CFAP46: variants seen among roughly 807,000 people sequenced by gnomAD.
CFAP46 encodes cilia and flagella associated protein 46, also known as cilia- and flagella-associated protein 46.
Under a neutral mutation model 325.7 loss-of-function variants are expected in CFAP46, and 245 were observed. The ratio of observed to expected loss-of-function variants is 0.75; its 90% CI spans 0.68 to 0.84. CFAP46 has a LOEUF of 0.84. Among genes scored for constraint, CFAP46 ranks in the 40% least tolerant of loss-of-function variants. The pLI, the probability that CFAP46 is intolerant of heterozygous loss-of-function variation, is 0.00. For missense variants in CFAP46, 3,346 were observed against 3,543.0 expected (o/e 0.94, Z 1.41); for synonymous variants, 1,523 against 1,495.9 (o/e 1.02, Z -0.42).
At chr10:132,909,330 A>T (rs560007959) in intron 20 of CFAP46, 86 bp from the exon 21 acceptor site, 4 of 940,472 alleles carry the variant, frequency 4.3e-6, no homozygotes, top group Non-Finnish European at 6.7e-6. Context: ...GCAAGGTATT[A>T]GTTTTATGGC....
intron 7 of CFAP46, among the ~76,000 whole-genome samples, chr10:132,935,537 TCCCCTCGGCAC>T (rs1849983846): frequency 1.5e-5 from 2 of 129,616 alleles, no homozygotes; most frequent in African/African-American, 3.1e-5. Flanking sequence ...ATCTCCTCAC[TCCCCTCGGCAC>T]CCAAACACAC....
At chr10:132,942,354 G>GTTCCGGGGCCTCCCCGGGGCGGGGATC in intron 1 of CFAP46, 82 bp downstream of exon 1, 1 of 1,236,270 alleles carries the variant, frequency 8.1e-7, no homozygotes, top group Non-Finnish European at 1.1e-6. Flanking sequence ...GGGATGAGAG[G>GTTCCGGGGCCTCCCCGGGGCGGGGATC]GTCCGGGGCC....
intron 43 of CFAP46, 27 bp downstream of exon 43, chr10:132,846,905 C>G (rs756164984): frequency 1.1e-5 from 18 of 1,590,624 alleles, no homozygotes; most frequent in Middle Eastern, 2.3e-4. Flanking sequence ...AAGGGCCTGG[C>G]TGGAGGTGGG....
intron 50 of CFAP46, among the ~76,000 whole-genome samples, chr10:132,823,026 C>CGTG (rs1847913926): frequency 9.3e-6 from 1 of 107,562 alleles, no homozygotes; most frequent in East Asian, 3.1e-4. Flanking sequence ...GTGCTGTGTG[C>CGTG]TGTGTGTGCG....
intron 9 of CFAP46, chr10:132,929,433 C>T (rs975300885): frequency 2.0e-5 from 14 of 699,846 alleles, no homozygotes; most frequent in Admixed American, 8.1e-5. Flanking sequence ...TGAAATTTTA[C>T]GCCGTCCGTA....
At chr10:132,814,541 C>T (rs759563001) in intron 53 of CFAP46, 36 bp downstream of exon 53, 66 of 1,550,136 alleles carry the variant, frequency 4.3e-5, no homozygotes, top group East Asian at 2.9e-4. Context: ...CCGAGGCTGG[C>T]GTGTGCCTGA....
chr10:132,910,119 C>A, intron 19 of CFAP46, 51 bp from the exon 20 acceptor site: 1 of 1,348,270 alleles, frequency 7.4e-7, no homozygotes, highest in Non-Finnish European at 9.6e-7. Flanking sequence ...AACAGGGGAC[C>A]TTGAGCCAAG....
At chr10:132,910,931 C>A (rs1849531952) in intron 19 of CFAP46, among the ~76,000 whole-genome samples, 1 of 152,234 alleles carries the variant, frequency 6.6e-6, no homozygotes, top group South Asian at 2.1e-4. Flanking sequence ...AGTCCAGGCA[C>A]CGCCCAAGCC....
At chr10:132,850,659 C>T (rs369807980) in intron 40 of CFAP46, among the ~76,000 whole-genome samples, 18 of 152,252 alleles carry the variant, frequency 1.2e-4, no homozygotes, top group South Asian at 1.0e-3. Flanking sequence ...AGTTTTAGGC[C>T]CGTCTTTGGT....
intron 19 of CFAP46, 113 bp downstream of exon 19, chr10:132,912,542 T>TCTCTCTCTCTTCACCTCTCTCTCTTCAC: frequency 3.3e-6 from 1 of 302,212 alleles, no homozygotes; most frequent in Non-Finnish European, 5.1e-6. Flanking sequence ...TCTCCTCTCC[T>TCTCTCTCTCTTCACCTCTCTCTCTTCAC]CTCTCTCTCT....
Position 132,832,902 on chromosome 10 carries a change from CCTGTGTGTTTAGCACCAGGATACTGGCA to C in CFAP46, c.7117+428_7117+455del, listed in dbSNP as rs1427959751. On this transcript the variant is annotated intron_variant, in intron 50 of 57. Coordinates refer to ENST00000368586, the MANE Select transcript of CFAP46 (RefSeq NM_001200049.3). The surrounding 1 kb of genome is among the most constrained non-coding windows in gnomAD (Gnocchi z 4.1). ...CAAGAACAGCGTTAAGTTTGTCTTC[CCTGTGTGTTTAGCACCAGGATACTGGCA>C]CATAGCAGGTATTTTATAAATAGTT... 191 of 452,832 alleles carry C rather than the reference CCTGTGTGTTTAGCACCAGGATACTGGCA, an allele frequency of 4.2e-4. 3 individuals carry two copies. Among genetic ancestry groups the C allele is most frequent in the South Asian group, 1.5e-3 (98 of 64,056 alleles). 28.1% of individuals were successfully genotyped at this position (452,832 alleles called of 1,614,324 possible). A position where few individuals can be genotyped will look rare whatever the true frequency, so the allele number is the denominator to read the frequency against.
intron 33 of CFAP46, among the ~76,000 whole-genome samples, chr10:132,868,938 T>A (rs1281345714): frequency 6.6e-6 from 1 of 152,080 alleles, no homozygotes; most frequent in Admixed American, 6.5e-5. Context: ...GAGACGGGAG[T>A]GGCCTGACCG....
chr10:132,816,990 T>A (rs532790985), intron 50 of CFAP46, among the ~76,000 whole-genome samples: 33 of 152,346 alleles, frequency 2.2e-4, no homozygotes, highest in Non-Finnish European at 4.3e-4. Context: ...AATCGCCACT[T>A]TTGAGGCACA....
At chr10:132,872,397 G>C in intron 32 of CFAP46, 1 of 401,120 alleles carries the variant, frequency 2.5e-6, no homozygotes, top group South Asian at 2.1e-5. Context: ...GCGACAACAG[G>C]TGTGTGTCAC....
chr10:132,859,042 C>T, intron 38 of CFAP46, 29 bp downstream of exon 38: 2 of 1,540,260 alleles, frequency 1.3e-6, no homozygotes, highest in Non-Finnish European at 1.8e-6. Context: ...GCAGTGACTC[C>T]CGTGCAGGGG....
Position 132,899,666 on chromosome 10 carries a change from G to A in CFAP46, c.2925C>T (p.Pro975=), listed in dbSNP as rs1309472009. The change falls in exon 23 of 58, where the codon CCC becomes CCT. Residue 975 remains proline (P), a splice_region_variant and synonymous_variant. Transcript: ENST00000368586. Reference sequence around the variant, plus strand: ...TCTCTGCCACCAGCCGGGACTCCTCGCTGCAGGAACAGGGCCAGTGAGGAG... The same window carrying A: ...TCTCTGCCACCAGCCGGGACTCCTCACTGCAGGAACAGGGCCAGTGAGGAG... ...MGIKYLKKFG[P]EESRLVAEML... is the part of the protein sequence containing the mutation. 9 of 1,548,162 alleles carry A rather than the reference G, an allele frequency of 5.8e-6. No individual in the cohort carries two copies. The highest frequency in any genetic ancestry group is 1.4e-5 in the African/African-American group (1 of 73,018).
At chr10:132,811,159 G>C in intron 55 of CFAP46, 128 bp from the exon 56 acceptor site, 1 of 776,382 alleles carries the variant, frequency 1.3e-6, no homozygotes, top group Non-Finnish European at 2.1e-6. Flanking sequence ...TCAGCTCCGG[G>C]CTCCGACCTC....
In CFAP46 at chr10:132,934,881, G is replaced by A. The variant is rs141141223; in HGVS notation, c.756-19C>T. 7.2e-7 allele frequency: 1 copy of A among 1,398,544 alleles called. No homozygotes were observed. The highest frequency in any genetic ancestry group is 1.0e-6 in the Non-Finnish European group (1 of 984,800). The allele number at this position is 1,398,544 out of a possible 1,614,324, so 86.6% of individuals were successfully genotyped here. ...CGCTTTTCTAGAAATAATTCAGAGA[G>A]TAATTCAGCACAAGATCCTGTCAGA... On this transcript the variant is annotated intron_variant, in intron 7 of 57. Coordinates refer to ENST00000368586, the MANE Select transcript of CFAP46 (RefSeq NM_001200049.3).
In CFAP46 at chr10:132,812,768, G is replaced by A. The variant is rs1451562556; in HGVS notation, c.7501+17C>T. 1.3e-6 allele frequency: 2 copies of A among 1,590,906 alleles called. No homozygotes were observed. The highest frequency in any genetic ancestry group is 1.7e-6 in the Non-Finnish European group (2 of 1,161,446). ...CTGTGCCCGCGGGGGAGGGGGTGCT[G>A]AGAGGACACCTCTCACCTTGCAAGT... On this transcript the variant is annotated intron_variant, in intron 55 of 57. Transcript: ENST00000368586.
Sources: allele counts gnomAD v4.1 joint callset (sites outside exome capture counted in the v4.1 genomes callset), GRCh38; gene constraint gnomAD v4.1.1; non-coding constraint Gnocchi (gnomAD v3.1); transcripts MANE v1.5; gene names NCBI Gene and HGNC (gene_info 2026-07-23, HGNC 2026-07-21).